Variants in RANBP17 observed in about 807,000 individuals in gnomAD.
RANBP17 encodes ran-binding protein 17.
In RANBP17, 158 loss-of-function variants were observed where a neutral mutation model predicts 141.2. The observed-to-expected ratio is 1.12, with a 90% CI of 0.98 to 1.28. The LOEUF (loss-of-function observed/expected upper bound fraction) is 1.28, where lower values mean the gene tolerates loss of function less well. RANBP17 is among the 50% of genes most tolerant of loss of function. RANBP17 has a pLI of 0.00. For synonymous variants in RANBP17, 430 were observed against 450.0 expected, an observed-to-expected ratio of 0.96 and a Z score of 0.56; for missense variants, 1,438 against 1,290.7, an observed-to-expected ratio of 1.11 and a Z score of -1.75.
chr5:170,955,681 T>TATATATATATAC (rs769742239), intron 13 of RANBP17, among the ~76,000 whole-genome samples: 2 of 39,064 alleles, frequency 5.1e-5, no homozygotes, highest in African/African-American at 7.6e-5. Context: ...TATATATATA[T>TATATATATATAC]ACACTGAATG....
intron 25 of RANBP17, among the ~76,000 whole-genome samples, chr5:171,271,898 C>T (rs1031747825): frequency 6.6e-6 from 1 of 152,028 alleles, no homozygotes; most frequent in Non-Finnish European, 1.5e-5. Context: ...ATAATATTGG[C>T]AAAATGTAAG....
chr5:170,898,400 A>C (rs563574337), intron 5 of RANBP17, among the ~76,000 whole-genome samples: 1 of 151,822 alleles, frequency 6.6e-6, no homozygotes, highest in South Asian at 2.1e-4. Flanking sequence ...AAATGTGTTT[A>C]AGTTCCTTGT....
chr5:171,007,256 C>A (rs777336150), intron 14 of RANBP17, among the ~76,000 whole-genome samples: 9 of 152,134 alleles, frequency 5.9e-5, no homozygotes, highest in African/African-American at 1.9e-4. Flanking sequence ...AAAAGGCACA[C>A]GTACCCTGAC....
At chr5:171,201,275 A>G (rs565321030) in intron 19 of RANBP17, among the ~76,000 whole-genome samples, 2 of 152,304 alleles carry the variant, frequency 1.3e-5, no homozygotes, top group South Asian at 4.1e-4. Flanking sequence ...TAAAATCACA[A>G]GTAATTAAGG....
At chr5:171,008,143 C>T (rs1007877021) in intron 14 of RANBP17, among the ~76,000 whole-genome samples, 13 of 152,140 alleles carry the variant, frequency 8.5e-5, no homozygotes, top group South Asian at 2.1e-4. Flanking sequence ...TGACCGGTGC[C>T]GGAGTTTTGG....
chr5:170,950,883 A>G (rs1399740273), intron 12 of RANBP17, among the ~76,000 whole-genome samples: 1 of 152,126 alleles, frequency 6.6e-6, no homozygotes, highest in Non-Finnish European at 1.5e-5. Flanking sequence ...ATAGTAGAAT[A>G]CCGTTAGGCC....
intron 12 of RANBP17, among the ~76,000 whole-genome samples, chr5:170,948,901 C>T (rs927985509): frequency 4.6e-5 from 7 of 152,060 alleles, no homozygotes; most frequent in African/African-American, 1.7e-4. Flanking sequence ...CCTGTAATCC[C>T]AGCAGTTTGG....
At chr5:171,039,550 G>T (rs1056048146) in intron 14 of RANBP17, among the ~76,000 whole-genome samples, 1 of 151,432 alleles carries the variant, frequency 6.6e-6, no homozygotes, top group African/African-American at 2.4e-5. Context: ...GTTTGTTGAT[G>T]GTTACTTTTG....
intron 18 of RANBP17, among the ~76,000 whole-genome samples, chr5:171,192,069 G>A (rs372075062): frequency 2.6e-5 from 4 of 152,152 alleles, no homozygotes; most frequent in African/African-American, 9.7e-5. Flanking sequence ...TGGCCAAAGC[G>A]TATTTCTTCT....
At chr5:170,921,071 C>A (rs1318810258) in intron 11 of RANBP17, among the ~76,000 whole-genome samples, 1 of 152,126 alleles carries the variant, frequency 6.6e-6, no homozygotes, top group Non-Finnish European at 1.5e-5. Context: ...GTTTCTTTTG[C>A]TGTGCAGAAG....
At chr5:170,968,811 C>A in intron 14 of RANBP17, 1 of 435,976 alleles carries the variant, frequency 2.3e-6, no homozygotes, top group Non-Finnish European at 4.5e-6. Flanking sequence ...TTAGATGTGT[C>A]CTTAGGAGAC....
chr5:170,987,809 A>T lies in RANBP17; in HGVS notation c.1710+19432A>T, dbSNP rs1778247666. ...CTAGACGAGGATGTTTGGGGCAGAA[A>T]AATCTAGTTAAAATCTTTGCAGCCA... is the stretch of plus-strand genomic sequence containing the variant. On this transcript the variant is annotated intron_variant, in intron 14 of 27. Transcript: ENST00000523189. 5.9e-5 allele frequency among the ~76,000 whole-genome samples: 9 copies of T among 151,698 alleles called. No individual in the cohort carries two copies. The South Asian group carries it at 1.9e-3, about 31-fold the overall frequency.
chr5:170,867,783 CTG>C (rs1767382293), intron 1 of RANBP17, among the ~76,000 whole-genome samples: 1 of 152,132 alleles, frequency 6.6e-6, no homozygotes, highest in Admixed American at 6.5e-5. Context: ...TGTGTGTAAA[CTG>C]TGCAATTGGA....
intron 14 of RANBP17, among the ~76,000 whole-genome samples, chr5:171,147,018 A>T (rs188479467): frequency 1.4e-4 from 21 of 152,212 alleles, no homozygotes; most frequent in African/African-American, 4.1e-4. Flanking sequence ...AAATATGTGT[A>T]AATTACTTAG....
intron 24 of RANBP17, among the ~76,000 whole-genome samples, chr5:171,261,242 T>C (rs1240805835): frequency 6.6e-6 from 1 of 152,160 alleles, no homozygotes; most frequent in Admixed American, 6.5e-5. Context: ...TTAATCTTAA[T>C]GCCAAACCTT....
intron 21 of RANBP17, among the ~76,000 whole-genome samples, chr5:171,215,579 C>T (rs915178929): frequency 6.6e-6 from 1 of 152,040 alleles, no homozygotes; most frequent in Non-Finnish European, 1.5e-5. Context: ...TTTCCTGACT[C>T]TTTAATGATC....
At chr5:171,195,290 G>C (rs1761908496) in intron 18 of RANBP17, among the ~76,000 whole-genome samples, 1 of 152,142 alleles carries the variant, frequency 6.6e-6, no homozygotes, top group African/African-American at 2.4e-5. Flanking sequence ...TGAATATGAA[G>C]TTGTAAGAAA....
rs1276340211 is a variant in RANBP17 at position 171,278,667 on chromosome 5, G to A, written c.2943+12820G>A. Among the ~76,000 whole-genome samples, 3 of 152,122 alleles carry A rather than the reference G, an allele frequency of 2.0e-5. No homozygotes were observed. In the East Asian group the frequency reaches 5.8e-4, roughly 29 times the overall value. ...ACATGCCGAGGATCTCAAATGAGAG[G>A]CCAAGCAGCCCCAGAGAAAGAAAAA... is the stretch of plus-strand genomic sequence containing the variant. On this transcript the variant is annotated intron_variant, in intron 25 of 27. Transcript: ENST00000523189.
intron 27 of RANBP17, 143 bp from the exon 28 acceptor site, chr5:171,298,619 G>A (rs1003222738): frequency 7.1e-6 from 4 of 562,996 alleles, no homozygotes; most frequent in Non-Finnish European, 9.6e-6. Flanking sequence ...AAAGTGGAGA[G>A]AAAGGAGCTC....
Sources: allele counts gnomAD v4.1 joint callset (sites outside exome capture counted in the v4.1 genomes callset), GRCh38; gene constraint gnomAD v4.1.1; transcripts MANE v1.5; gene names NCBI Gene and HGNC (gene_info 2026-07-23, HGNC 2026-07-21).